The following APOL1 variants were observed in gnomAD, a reference collection of about 807,000 sequenced individuals.
APOL1 encodes apolipoprotein L1, also known as apolipoprotein L 1.
Under a neutral mutation model 14.9 loss-of-function variants are expected in APOL1, and 17 were observed. The ratio of observed to expected loss-of-function variants is 1.14; its 90% confidence interval spans 0.78 to 1.71. APOL1 has a LOEUF of 1.71. APOL1 is among the 40% of genes most tolerant of loss of function. The probability of loss-of-function intolerance (pLI) is 0.00; values close to 1 mark genes in which losing one functional copy is unlikely to be tolerated. For missense variants in APOL1, 523 were observed against 485.9 expected (o/e 1.08, Z -0.72); for synonymous variants, 195 against 184.8 (o/e 1.05, Z -0.45).
In APOL1 at chr22:36,265,993, A is replaced by G. The variant is rs1170435716; in HGVS notation, c.1157A>G (p.Asn386Ser). ...CTGGAGGAGAAGCTAAACATTCTCA[A>G]CAATAATTATAAGATTCTGCAGGCG... is the stretch of plus-strand genomic sequence containing the variant. ...QELEEKLNIL[N>S]NNYKILQADQ... Residue 386 changes from asparagine (N) to serine (S), a missense_variant, in exon 6 of 6, where the codon AAC (asparagine) becomes AGC (serine). Asn to Ser is a conservative substitution (Grantham distance 46). Transcript: ENST00000397278. 6.2e-7 allele frequency: 1 copy of G among 1,612,182 alleles called. No individual in the cohort carries two copies. The highest frequency in any genetic ancestry group is 8.5e-7 in the Non-Finnish European group (1 of 1,179,672).
intron 1 of APOL1, chr22:36,253,690 G>A (rs571551628): frequency 1.9e-6 from 1 of 531,630 alleles, no homozygotes; most frequent in East Asian, 3.1e-5. Context: ...CACCCACCCT[G>A]AGTCTGAGCA....
intron 4 of APOL1, chr22:36,259,810 C>T (rs777997612): frequency 7.7e-6 from 10 of 1,304,146 alleles, no homozygotes; most frequent in African/African-American, 7.6e-5. Flanking sequence ...CCCTCCACTG[C>T]CCATCTGAGA....
chr22:36,254,944 C>T lies in APOL1; in HGVS notation c.-12C>T, dbSNP rs754016154. 1.2e-6 allele frequency: 2 copies of T among 1,613,994 alleles called. No individual in the cohort carries two copies. Among genetic ancestry groups the T allele is most frequent in the South Asian group, 2.2e-5 (2 of 91,072 alleles). On this transcript the variant is annotated 5_prime_UTR_variant, in exon 2 of 6. Coordinates refer to ENST00000397278, the MANE Select transcript of APOL1 (RefSeq NM_003661.4). ...CCTCTTTTCCTGCTCAAGGAGGAGG[C>T]CCTGCAGCGACATGGAGGGAGCTGC...
At chr22:36,257,430 G>A in intron 4 of APOL1, 23 bp downstream of exon 4, 2 of 1,603,610 alleles carry the variant, frequency 1.2e-6, no homozygotes, top group Non-Finnish European at 1.7e-6. Flanking sequence ...CCTCTTCCCT[G>A]CTGGTTCCTA....
intron 4 of APOL1, chr22:36,259,616 G>T (rs957110569): frequency 1.6e-6 from 2 of 1,255,766 alleles, no homozygotes; most frequent in Admixed American, 2.6e-5. Context: ...TGGGCTGGGG[G>T]ACTGAGGAAA....
At chr22:36,257,440 A>C (rs1237827403) in intron 4 of APOL1, 33 bp downstream of exon 4, 2 of 1,590,888 alleles carry the variant, frequency 1.3e-6, no homozygotes, top group Admixed American at 3.3e-5. Context: ...GCTGGTTCCT[A>C]CTCGCACTTA....
Position 36,266,259 on chromosome 22 carries a change from T to C in APOL1, c.*226T>C, listed in dbSNP as rs1198060294. The C allele has an allele frequency of 1.8e-5, 9 of 488,494 alleles. No homozygotes were observed. The allele number at this position is 488,494 out of a possible 1,614,324, so 30.3% of individuals were successfully genotyped here. A position where few individuals can be genotyped will look rare whatever the true frequency, so the allele number is the denominator to read the frequency against. On this transcript the variant is annotated 3_prime_UTR_variant, in exon 6 of 6. Transcript: ENST00000397278. Reference sequence around the variant, plus strand: ...GCGCCTACCACCATGCCCAGCTAATTTTTGTATTTTTAATAGAGATGGGGT... The same window carrying C: ...GCGCCTACCACCATGCCCAGCTAATCTTTGTATTTTTAATAGAGATGGGGT...
In APOL1 at chr22:36,265,370, G is replaced by A. The variant is rs368340430; in HGVS notation, c.534G>A (p.Val178=). The A allele has an allele frequency of 7.4e-6, 12 of 1,612,530 alleles. No homozygotes were observed. Among genetic ancestry groups the A allele is most frequent in the Admixed American group, 1.7e-5 (1 of 59,886 alleles). ...VHKGTTIANV[V]SGSLSISSGI... is the part of the protein sequence containing the mutation. Reference sequence around the variant, plus strand: ...AAGGCACCACCATCGCCAATGTGGTGTCTGGCTCTCTCAGCATTTCCTCTG... The same window carrying A: ...AAGGCACCACCATCGCCAATGTGGTATCTGGCTCTCTCAGCATTTCCTCTG... Residue 178 remains valine (V), a synonymous_variant, in exon 6 of 6, where the codon GTG becomes GTA. Transcript: ENST00000397278.
intron 5 of APOL1, among the ~76,000 whole-genome samples, 188 bp downstream of exon 5, chr22:36,261,910 C>G (rs1367524521): frequency 6.6e-6 from 1 of 152,182 alleles, no homozygotes; most frequent in African/African-American, 2.4e-5. Context: ...TAGCCTCAGG[C>G]TGAGGGGATA....
intron 4 of APOL1, among the ~76,000 whole-genome samples, chr22:36,259,312 G>A (rs2015998689): frequency 6.6e-6 from 1 of 152,160 alleles, no homozygotes; most frequent in African/African-American, 2.4e-5. Context: ...TAGTGCCAGA[G>A]GTTCCTTCCA....
At position 36,253,161 on chromosome 22, in the gene APOL1, A is replaced by G; in HGVS notation, c.-78A>G. The G allele has an allele frequency of 2.0e-6, 1 of 505,038 alleles. No individual in the cohort carries two copies. The allele number at this position is 505,038 out of a possible 1,614,324, so 31.3% of individuals were successfully genotyped here. On this transcript the variant is annotated 5_prime_UTR_variant, in exon 1 of 6. Coordinates refer to ENST00000397278, the MANE Select transcript of APOL1 (RefSeq NM_003661.4). ...ATACAGACGCATAACTGGAGGTGGG[A>G]TCCACACAGCTCAGAACAGCTGGAT... is the stretch of plus-strand genomic sequence containing the variant.
At position 36,253,763 on chromosome 22, in the gene APOL1, TC is replaced by T. The variant is rs2015766328; in HGVS notation, c.-20+547del. 14 of 609,910 alleles carry T rather than the reference TC, an allele frequency of 2.3e-5. No homozygotes were observed. The South Asian group carries it at 2.8e-4, about 12-fold the overall frequency. 37.8% of individuals were successfully genotyped at this position (609,910 alleles called of 1,614,324 possible). On this transcript the variant is annotated intron_variant, in intron 1 of 5. Transcript: ENST00000397278. ...TGGGAGCGGAATGACTTGCCCAGGG[TC>T]CCGTGTCAGGAGGCTGAGCAGGTAG...
At chr22:36,256,212 G>A (rs924689146) in intron 2 of APOL1, among the ~76,000 whole-genome samples, 4 of 152,060 alleles carry the variant, frequency 2.6e-5, no homozygotes, top group African/African-American at 9.7e-5. Context: ...AGAGACTACT[G>A]AGAGCCAGTA....
In APOL1 at chr22:36,257,703, G is replaced by GCC. The variant is rs1230364763; in HGVS notation, c.187+296_187+297insCC. On this transcript the variant is annotated intron_variant, in intron 4 of 5. Coordinates refer to ENST00000397278, the MANE Select transcript of APOL1 (RefSeq NM_003661.4). Reference sequence around the variant, plus strand: ...TTGGGGAAGTGGAATCAGCGGGGGGGGGGGGGAGTGTGGGGAGAGCAGGGT... The same window carrying GCC: ...TTGGGGAAGTGGAATCAGCGGGGGGGCCGGGGGGAGTGTGGGGAGAGCAGGGT... The GCC allele has an allele frequency of 6.5e-4, 199 of 306,518 alleles. 10 individuals are homozygous for GCC. The South Asian group carries it at 6.7e-3, about 10-fold the overall frequency. 19.0% of individuals were successfully genotyped at this position (306,518 alleles called of 1,614,324 possible).
chr22:36,258,844 A>G (rs571579126), intron 4 of APOL1, among the ~76,000 whole-genome samples: 142 of 152,294 alleles, frequency 9.3e-4, no homozygotes, highest in African/African-American at 3.3e-3. Flanking sequence ...TGTGGGGTTT[A>G]GTGAGACAAG....
At chr22:36,261,349 C>G (rs1026550415) in intron 4 of APOL1, among the ~76,000 whole-genome samples, 4 of 152,148 alleles carry the variant, frequency 2.6e-5, no homozygotes, top group Non-Finnish European at 4.4e-5. Flanking sequence ...GAGCCCTACC[C>G]TTGTGATCTC....
At chr22:36,257,269 T>A (rs1232675212) in intron 3 of APOL1, 50 bp from the exon 4 acceptor site, 1 of 1,606,378 alleles carries the variant, frequency 6.2e-7, no homozygotes, top group Non-Finnish European at 8.5e-7. Flanking sequence ...CCTCCCTCTG[T>A]CCACTGGTGG....
chr22:36,266,337 C>G lies in APOL1; in HGVS notation c.*304C>G. 2.4e-6 allele frequency: 1 copy of G among 408,272 alleles called. No individual in the cohort carries two copies. Among genetic ancestry groups the G allele is most frequent in the South Asian group, 7.7e-5 (1 of 13,058 alleles). 25.3% of individuals were successfully genotyped at this position (408,272 alleles called of 1,614,324 possible). On this transcript the variant is annotated 3_prime_UTR_variant, in exon 6 of 6. Transcript: ENST00000397278. ...ATCTCCTGACCTCTTGATCTGCCCA[C>G]CTTGGCCTCCCAAAGTGCTGGGATT...
rs546628194 is a variant in APOL1, at chr22:36,266,632, G to A, written c.*599G>A. The stretch of plus-strand genomic sequence containing the variant: ...TAAAGAATATATTGGGGGGCCGGGT[G>A]TAGTGGCTCATGCCTGTAATCCGAG... On this transcript the variant is annotated 3_prime_UTR_variant, in exon 6 of 6. Coordinates refer to ENST00000397278, the MANE Select transcript of APOL1 (RefSeq NM_003661.4). 268 of 396,814 alleles carry A rather than the reference G, an allele frequency of 6.8e-4. No homozygotes were observed. Among genetic ancestry groups the A allele is most frequent in the African/African-American group, 5.0e-3 (243 of 48,664 alleles). The allele number at this position is 396,814 out of a possible 1,614,324, so 24.6% of individuals were successfully genotyped here.
Sources: gnomAD v4.1 joint callset for allele counts (sites outside exome capture counted in the v4.1 genomes callset) on GRCh38, gnomAD v4.1.1 for gene constraint, MANE v1.5 for transcripts, NCBI Gene and HGNC (gene_info 2026-07-23, HGNC 2026-07-21) for gene names.